CWC27: variants seen among roughly 807,000 people sequenced by gnomAD.
CWC27 encodes spliceosome-associated protein CWC27 homolog.
CWC27 carries 47 observed loss-of-function variants against 63.6 expected under a neutral mutation model. That is an observed-to-expected ratio of 0.74 (90% CI 0.58 to 0.94). The LOEUF is 0.94. Among genes scored for constraint, CWC27 ranks in the 40% least tolerant of loss-of-function variants. The pLI, the probability that CWC27 is intolerant of heterozygous loss-of-function variation, is 0.00. For missense variants in CWC27, 495 were observed against 554.3 expected (o/e 0.89, Z 1.07); for synonymous variants, 175 against 179.8 (o/e 0.97, Z 0.22).
At chr5:64,854,853 T>TA (rs910342727) in intron 10 of CWC27, among the ~76,000 whole-genome samples, 53 of 152,264 alleles carry the variant, frequency 3.5e-4, no homozygotes, top group African/African-American at 1.3e-3. Context: ...AATTTTTTTT[T>TA]AATAACACTT....
At chr5:64,974,106 T>G (rs1429530757) in intron 12 of CWC27, among the ~76,000 whole-genome samples, 10 of 149,700 alleles carry the variant, frequency 6.7e-5, no homozygotes, top group African/African-American at 2.0e-4. Context: ...GGCAAGGTGG[T>G]GTGCATCTGT....
At chr5:64,828,799 C>T (rs1469401067) in intron 10 of CWC27, among the ~76,000 whole-genome samples, 1 of 151,996 alleles carries the variant, frequency 6.6e-6, no homozygotes, top group Non-Finnish European at 1.5e-5. Flanking sequence ...TCTGAAAGTT[C>T]CCAGGCCACT....
At chr5:64,942,255 G>C (rs985700613) in intron 11 of CWC27, among the ~76,000 whole-genome samples, 3 of 151,038 alleles carry the variant, frequency 2.0e-5, no homozygotes, top group Admixed American at 1.3e-4. Flanking sequence ...TAAGACCCCC[G>C]TCTCTACAAA....
intron 11 of CWC27, among the ~76,000 whole-genome samples, chr5:64,896,189 G>C (rs1747370169): frequency 6.6e-6 from 1 of 152,118 alleles, no homozygotes; most frequent in African/African-American, 2.4e-5. Context: ...CAACAGGTGA[G>C]GACATAAGGC....
At chr5:64,932,664 T>C (rs924097148) in intron 11 of CWC27, among the ~76,000 whole-genome samples, 2 of 152,196 alleles carry the variant, frequency 1.3e-5, no homozygotes, top group African/African-American at 4.8e-5. Flanking sequence ...ATCCAGGCTT[T>C]ATAACCTTTC....
At chr5:64,931,237 G>A (rs1748231129) in intron 11 of CWC27, among the ~76,000 whole-genome samples, 1 of 151,788 alleles carries the variant, frequency 6.6e-6, no homozygotes, top group Non-Finnish European at 1.5e-5. Flanking sequence ...GGAGTAAAGG[G>A]CCATAATATA....
intron 3 of CWC27, among the ~76,000 whole-genome samples, chr5:64,783,360 G>A (rs555782496): frequency 1.3e-5 from 2 of 151,856 alleles, no homozygotes; most frequent in Admixed American, 1.3e-4. Context: ...AAAAAGACAT[G>A]GTAAAATTAC....
chr5:65,015,962 G>A (rs543384702), intron 13 of CWC27, among the ~76,000 whole-genome samples: 2 of 152,342 alleles, frequency 1.3e-5, no homozygotes, highest in African/African-American at 2.4e-5. Flanking sequence ...GCTATCACTG[G>A]TTAATTGGCT....
chr5:64,822,302 C>T (rs1262290501), intron 10 of CWC27, among the ~76,000 whole-genome samples: 4 of 152,156 alleles, frequency 2.6e-5, no homozygotes, highest in Non-Finnish European at 4.4e-5. Context: ...TGGCATAAAG[C>T]TCTCAGCTGA....
intron 11 of CWC27, among the ~76,000 whole-genome samples, chr5:64,900,091 T>G (rs1307318013): frequency 6.6e-6 from 1 of 152,228 alleles, no homozygotes; most frequent in African/African-American, 2.4e-5. Context: ...TGTCTGGAAG[T>G]GGAATGGCTA....
At chr5:64,863,373 A>G (rs367911677) in intron 10 of CWC27, among the ~76,000 whole-genome samples, 2 of 151,970 alleles carry the variant, frequency 1.3e-5, no homozygotes, top group Non-Finnish European at 2.9e-5. Context: ...AATAAAATAC[A>G]TTCAGGTATT....
At chr5:64,879,066 A>G (rs1746873824) in intron 10 of CWC27, among the ~76,000 whole-genome samples, 1 of 151,892 alleles carries the variant, frequency 6.6e-6, no homozygotes, top group South Asian at 2.1e-4. Context: ...CCCAAACTAG[A>G]TTGCTGTCAC....
In CWC27 at chr5:64,977,228, G is replaced by T; in HGVS notation, c.1246G>T (p.Asp416Tyr). 1 of 1,606,192 alleles carries T rather than the reference G, an allele frequency of 6.2e-7. No homozygotes were observed. Among genetic ancestry groups the T allele is most frequent in the South Asian group, 1.1e-5 (1 of 90,354 alleles). The change falls in exon 13 of 14, where the codon GAT becomes TAT. Residue 416 changes from aspartate (D) to tyrosine (Y), a missense_variant. Physicochemically the swap from Asp to Tyr is radical, Grantham distance 160. Transcript: ENST00000381070. Reference sequence around the variant, plus strand: ...CATTCCTGAAACAGAAGTAGAAGATGATGAAGGATGGTAAGGGCTTTGATT... The same window carrying T: ...CATTCCTGAAACAGAAGTAGAAGATTATGAAGGATGGTAAGGGCTTTGATT... ...NDIPETEVED[D>Y]EGWMSHVLQF...
chr5:65,018,358 T>G lies in CWC27; in HGVS notation c.*37T>G, dbSNP rs1280223683. Reference sequence around the variant, plus strand: ...TGATAACCAGAACTTGCTGGAAATGTGCCTACAATGGCCTTGTAACAGCCA... The same window carrying G: ...TGATAACCAGAACTTGCTGGAAATGGGCCTACAATGGCCTTGTAACAGCCA... On this transcript the variant is annotated 3_prime_UTR_variant, in exon 14 of 14. Coordinates refer to ENST00000381070, the MANE Select transcript of CWC27 (RefSeq NM_005869.4). The G allele has an allele frequency of 1.3e-6, 2 of 1,542,466 alleles. No homozygotes were observed. Among genetic ancestry groups the G allele is most frequent in the Admixed American group, 4.0e-5 (2 of 50,412 alleles).
intron 11 of CWC27, among the ~76,000 whole-genome samples, chr5:64,930,487 A>T (rs1279636972): frequency 6.6e-6 from 1 of 152,152 alleles, no homozygotes; most frequent in Non-Finnish European, 1.5e-5. Flanking sequence ...ATCCATGAGG[A>T]TCTGAATGAA....
At chr5:64,949,292 T>C (rs1435705824) in intron 11 of CWC27, among the ~76,000 whole-genome samples, 1 of 152,044 alleles carries the variant, frequency 6.6e-6, no homozygotes, top group African/African-American at 2.4e-5. Context: ...ATGAATTAGA[T>C]TTAGATAGCA....
chr5:65,018,384 T>C lies in CWC27; in HGVS notation c.*63T>C, dbSNP rs1401763864. The C allele has an allele frequency of 7.1e-7, 1 of 1,417,144 alleles. No individual in the cohort carries two copies. Among genetic ancestry groups the C allele is most frequent in the East Asian group, 2.3e-5 (1 of 42,714 alleles). The allele number at this position is 1,417,144 out of a possible 1,614,324, so 87.8% of individuals were successfully genotyped here. On this transcript the variant is annotated 3_prime_UTR_variant, in exon 14 of 14. Transcript: ENST00000381070. ...GCCTACAATGGCCTTGTAACAGCCA[T>C]TGTTCCCAACAGCATCACTTAGGGG...
intron 10 of CWC27, chr5:64,807,456 G>A: frequency 2.8e-6 from 3 of 1,055,210 alleles, no homozygotes; most frequent in Non-Finnish European, 3.9e-6. Context: ...TGAAAAAAGA[G>A]CTCAGGGGAA....
intron 11 of CWC27, among the ~76,000 whole-genome samples, chr5:64,960,538 TA>T (rs766927005): frequency 4.6e-5 from 7 of 150,982 alleles, no homozygotes; most frequent in African/African-American, 4.9e-5. Flanking sequence ...TCTGGTATAT[TA>T]AAAAAAAATA....
Sources: allele counts gnomAD v4.1 joint callset (sites outside exome capture counted in the v4.1 genomes callset), GRCh38; gene constraint gnomAD v4.1.1; transcripts MANE v1.5; gene names NCBI Gene and HGNC (gene_info 2026-07-23, HGNC 2026-07-21).